GRIK2: variants seen among roughly 807,000 people sequenced by gnomAD.
The protein encoded by GRIK2 is glutamate ionotropic receptor kainate type subunit 2.
GRIK2 carries 32 observed loss-of-function variants against 100.3 expected under a neutral mutation model. The ratio of observed to expected loss-of-function variants is 0.32; its 90% confidence interval spans 0.24 to 0.43. The LOEUF is 0.43. Among genes scored for constraint, GRIK2 ranks in the 20% least tolerant of loss-of-function variants. The pLI, the probability that GRIK2 is intolerant of heterozygous loss-of-function variation, is 1.00. For missense variants in GRIK2, 843 were observed against 1,114.9 expected, an observed-to-expected ratio of 0.76 and a Z score of 3.47; for synonymous variants, 417 against 389.4, an observed-to-expected ratio of 1.07 and a Z score of -0.83.
At chr6:101,957,366 GTTCTTTGTAAA>G in intron 14 of GRIK2, among the ~76,000 whole-genome samples, 1 of 151,756 alleles carries the variant, frequency 6.6e-6, no homozygotes, top group Admixed American at 6.6e-5. Flanking sequence ...AGTTGTTTGA[GTTCTTTGTAAA>G]TTCTGGATAT....
At chr6:101,439,146 TA>T (rs35506177) in intron 2 of GRIK2, among the ~76,000 whole-genome samples, 1 of 152,154 alleles carries the variant, frequency 6.6e-6, no homozygotes. Context: ...TTCTAAATCC[TA>T]AAAGTGTATC....
intron 2 of GRIK2, among the ~76,000 whole-genome samples, chr6:101,584,331 T>C (rs1778248580): frequency 6.6e-6 from 1 of 152,046 alleles, no homozygotes; most frequent in South Asian, 2.1e-4. Flanking sequence ...AGAATTTGTT[T>C]CTTTCACTCT....
At chr6:102,027,387 C>A (rs1769760367) in intron 14 of GRIK2, among the ~76,000 whole-genome samples, 1 of 150,998 alleles carries the variant, frequency 6.6e-6, no homozygotes, top group African/African-American at 2.4e-5. Flanking sequence ...TTTATTAATT[C>A]AAGAGAAATA....
intron 7 of GRIK2, among the ~76,000 whole-genome samples, chr6:101,763,058 C>T (rs369988532): frequency 7.9e-5 from 12 of 152,156 alleles, no homozygotes; most frequent in African/African-American, 2.4e-4. Flanking sequence ...TCATGCTGGG[C>T]GTTCCTTGGA....
At chr6:101,446,930 T>C (rs1366189019) in intron 2 of GRIK2, among the ~76,000 whole-genome samples, 1 of 148,318 alleles carries the variant, frequency 6.7e-6, no homozygotes, top group Admixed American at 6.8e-5. Context: ...TACGTGTATA[T>C]ATAATATATA....
chr6:101,805,313 TA>T (rs35711027), intron 9 of GRIK2, among the ~76,000 whole-genome samples: 5,786 of 141,886 alleles, frequency 0.041, 370 homozygotes, highest in African/African-American at 0.13. Context: ...TTCATCACCT[TA>T]AAAAAAAAAA....
At chr6:101,996,403 C>T (rs1189958151) in intron 14 of GRIK2, among the ~76,000 whole-genome samples, 1 of 151,906 alleles carries the variant, frequency 6.6e-6, no homozygotes, top group East Asian at 1.9e-4. Flanking sequence ...TCTTTCTTTC[C>T]TATTGGATTT....
intron 2 of GRIK2, among the ~76,000 whole-genome samples, chr6:101,522,500 A>T (rs2128281859): frequency 6.6e-6 from 1 of 152,208 alleles, no homozygotes; most frequent in South Asian, 2.1e-4. Context: ...CCATCTTGTG[A>T]TACTTCCATC....
At chr6:101,632,661 T>C (rs1780817816) in intron 4 of GRIK2, among the ~76,000 whole-genome samples, 1 of 152,160 alleles carries the variant, frequency 6.6e-6, no homozygotes. Flanking sequence ...TACATATATA[T>C]GTATTCTTAT....
intron 14 of GRIK2, among the ~76,000 whole-genome samples, chr6:101,948,492 T>A (rs1458882835): frequency 6.8e-6 from 1 of 148,136 alleles, no homozygotes; most frequent in Non-Finnish European, 1.5e-5. Flanking sequence ...TATATAGTTA[T>A]ACATAATATA....
At chr6:101,774,882 A>G (rs1319476060) in intron 7 of GRIK2, among the ~76,000 whole-genome samples, 1 of 152,142 alleles carries the variant, frequency 6.6e-6, no homozygotes, top group Non-Finnish European at 1.5e-5. Flanking sequence ...GAAAAGTTAT[A>G]GAGAAAATAT....
At chr6:101,401,487 C>T (rs181198458) in intron 2 of GRIK2, among the ~76,000 whole-genome samples, 34 of 152,288 alleles carry the variant, frequency 2.2e-4, no homozygotes, top group African/African-American at 7.9e-4. Context: ...AAGATCTCCA[C>T]ACTAGTCCCT....
At chr6:101,769,373 A>G (rs776795942) in intron 7 of GRIK2, among the ~76,000 whole-genome samples, 2 of 152,214 alleles carry the variant, frequency 1.3e-5, no homozygotes, top group Non-Finnish European at 2.9e-5. Context: ...AGGATATACA[A>G]TTGCAGAAGA....
chr6:102,006,586 C>T (rs2114290893), intron 14 of GRIK2, among the ~76,000 whole-genome samples: 1 of 151,504 alleles, frequency 6.6e-6, no homozygotes, highest in South Asian at 2.1e-4. Context: ...CAAGCTGGTT[C>T]CAAACAACTG....
intron 2 of GRIK2, among the ~76,000 whole-genome samples, chr6:101,610,236 C>T (rs1779612598): frequency 6.6e-6 from 1 of 151,360 alleles, no homozygotes; most frequent in South Asian, 2.1e-4. Context: ...AAGTTATAGT[C>T]CATATAAATA....
At chr6:101,411,968 C>A (rs1215237833) in intron 2 of GRIK2, among the ~76,000 whole-genome samples, 1 of 152,040 alleles carries the variant, frequency 6.6e-6, no homozygotes, top group East Asian at 1.9e-4. Flanking sequence ...AGAACTCCAG[C>A]AGACATTTGC....
At chr6:102,054,136 T>C (rs1166714539) in intron 15 of GRIK2, among the ~76,000 whole-genome samples, 1 of 152,186 alleles carries the variant, frequency 6.6e-6, no homozygotes, top group East Asian at 1.9e-4. Context: ...AGCTTTTAAG[T>C]AGAGAAAAGA....
intron 2 of GRIK2, among the ~76,000 whole-genome samples, chr6:101,487,760 T>A (rs1221243544): frequency 6.8e-6 from 1 of 146,724 alleles, no homozygotes. Context: ...TTTGTTCTAG[T>A]GTTATGGATA....
intron 2 of GRIK2, among the ~76,000 whole-genome samples, chr6:101,401,931 C>T (rs190165391): frequency 7.8e-4 from 119 of 152,250 alleles, no homozygotes; most frequent in African/African-American, 2.1e-3. Context: ...CCACCCTTGG[C>T]GTGGCTAGGC....
Sources: allele counts gnomAD v4.1 joint callset (sites outside exome capture counted in the v4.1 genomes callset), GRCh38; gene constraint gnomAD v4.1.1; transcripts MANE v1.5; gene names NCBI Gene and HGNC (gene_info 2026-07-23, HGNC 2026-07-21).